ADGRB3: variants seen among roughly 807,000 people sequenced by gnomAD.
ADGRB3 encodes adhesion G protein-coupled receptor B3.
ADGRB3 carries 37 observed loss-of-function variants against 193.4 expected under a neutral mutation model. That is an observed-to-expected ratio of 0.19 (90% CI 0.15 to 0.25). The LOEUF is 0.25. ADGRB3 is among the 10% of genes least tolerant of loss of function. The probability of loss-of-function intolerance (pLI) is 1.00; values close to 1 mark genes in which losing one functional copy is unlikely to be tolerated. For synonymous variants in ADGRB3, 690 were observed against 644.2 expected, an observed-to-expected ratio of 1.07 and a Z score of -1.08; for missense variants, 1,637 against 1,852.9, an observed-to-expected ratio of 0.88 and a Z score of 2.14.
chr6:68,876,471 G>C (rs1452029538), intron 3 of ADGRB3, among the ~76,000 whole-genome samples: 1 of 152,180 alleles, frequency 6.6e-6, no homozygotes, highest in Non-Finnish European at 1.5e-5. Context: ...CCTGGGACTT[G>C]AAATTATTAC....
chr6:68,789,000 TTGCTTGG>T (rs1767040660), intron 3 of ADGRB3, among the ~76,000 whole-genome samples: 1 of 152,146 alleles, frequency 6.6e-6, no homozygotes, highest in Admixed American at 6.5e-5. Flanking sequence ...TGTTTTCCAT[TTGCTTGG>T]TAGATCTTCC....
intron 3 of ADGRB3, among the ~76,000 whole-genome samples, chr6:68,799,051 C>T (rs1258473278): frequency 6.6e-6 from 1 of 151,798 alleles, no homozygotes; most frequent in Non-Finnish European, 1.5e-5. Flanking sequence ...TTTGAACAGA[C>T]TTATATAATA....
chr6:68,928,382 T>C (rs1767242844), intron 3 of ADGRB3, among the ~76,000 whole-genome samples: 2 of 151,900 alleles, frequency 1.3e-5, no homozygotes, highest in Admixed American at 1.3e-4. Context: ...AAAACTAAAA[T>C]TAGCTAGGCA....
At chr6:68,717,297 C>A (rs991403457) in intron 3 of ADGRB3, among the ~76,000 whole-genome samples, 1 of 151,504 alleles carries the variant, frequency 6.6e-6, no homozygotes, top group African/African-American at 2.4e-5. Flanking sequence ...ATAATAATTC[C>A]AAATTTAGAG....
chr6:68,826,950 C>T (rs11755800), intron 3 of ADGRB3, among the ~76,000 whole-genome samples: 3,768 of 152,142 alleles, frequency 0.025, 61 homozygotes, highest in Non-Finnish European at 0.037. Context: ...TATTAAACAT[C>T]CTAGTGTAGG....
At chr6:69,359,698 T>A (rs903103596) in intron 28 of ADGRB3, among the ~76,000 whole-genome samples, 2 of 151,912 alleles carry the variant, frequency 1.3e-5, no homozygotes, top group Non-Finnish European at 2.9e-5. Flanking sequence ...TATCTGAAAC[T>A]TTTTATGAGG....
At chr6:68,952,635 A>G (rs1767959382) in intron 6 of ADGRB3, among the ~76,000 whole-genome samples, 1 of 150,990 alleles carries the variant, frequency 6.6e-6, no homozygotes, top group South Asian at 2.1e-4. Flanking sequence ...GTACTCTAGA[A>G]CTTAAAGTAT....
intron 3 of ADGRB3, among the ~76,000 whole-genome samples, chr6:68,708,521 C>A (rs534026408): frequency 6.6e-6 from 1 of 152,200 alleles, no homozygotes; most frequent in South Asian, 2.1e-4. Flanking sequence ...TCCTAAAGGG[C>A]CCAGTTCAAA....
intron 3 of ADGRB3, among the ~76,000 whole-genome samples, chr6:68,738,659 A>G (rs1765919529): frequency 6.6e-6 from 1 of 152,182 alleles, no homozygotes; most frequent in Non-Finnish European, 1.5e-5. Context: ...AACTGACGTT[A>G]AGGTTTTTGG....
At chr6:68,938,034 T>C (rs549856957) in intron 5 of ADGRB3, among the ~76,000 whole-genome samples, 132 of 151,926 alleles carry the variant, frequency 8.7e-4, no homozygotes, top group Non-Finnish European at 1.5e-3. Context: ...TAGAATAGAA[T>C]TGGGAGGTTA....
chr6:68,834,144 G>T (rs1176912154), intron 3 of ADGRB3, among the ~76,000 whole-genome samples: 1 of 151,848 alleles, frequency 6.6e-6, no homozygotes, highest in Non-Finnish European at 1.5e-5. Flanking sequence ...TAGTCTAAAT[G>T]GTAAACTCTT....
chr6:68,713,027 A>C (rs907523334), intron 3 of ADGRB3, among the ~76,000 whole-genome samples: 1 of 151,946 alleles, frequency 6.6e-6, no homozygotes, highest in African/African-American at 2.4e-5. Context: ...ATACAGCAGA[A>C]TATTTAATGC....
chr6:69,121,992 GCTCCTCACTTCCCAGACAGGGTGGCA>G (rs1298777756), intron 17 of ADGRB3, among the ~76,000 whole-genome samples: 85 of 150,566 alleles, frequency 5.6e-4, no homozygotes, highest in African/African-American at 8.5e-4. Context: ...AGGCAGAGAT[GCTCCTCACTTCCCAGACAGGGTGGCA>G]GCCAGGCAGA....
chr6:69,365,775 A>G (rs1370386706), intron 29 of ADGRB3, among the ~76,000 whole-genome samples: 1 of 152,092 alleles, frequency 6.6e-6, no homozygotes, highest in African/African-American at 2.4e-5. Flanking sequence ...TTCTCTGGAC[A>G]TGAATTATAG....
intron 20 of ADGRB3, among the ~76,000 whole-genome samples, chr6:69,306,339 T>C (rs1472220880): frequency 6.6e-6 from 1 of 151,556 alleles, no homozygotes; most frequent in Non-Finnish European, 1.5e-5. Flanking sequence ...TTTTCTCTTG[T>C]TTTGCCTTTA....
At chr6:69,233,440 G>A in intron 18 of ADGRB3, 24 bp downstream of exon 18, 2 of 1,613,418 alleles carry the variant, frequency 1.2e-6, no homozygotes, top group Non-Finnish European at 1.7e-6. Context: ...GGAAAACACG[G>A]CTTTAACGCA....
intron 3 of ADGRB3, among the ~76,000 whole-genome samples, chr6:68,853,840 A>G (rs531164449): frequency 6.6e-6 from 1 of 152,310 alleles, no homozygotes; most frequent in South Asian, 2.1e-4. Context: ...TTAAACATGA[A>G]TAAGGGTAAC....
At chr6:68,925,991 C>A (rs1165168043) in intron 3 of ADGRB3, among the ~76,000 whole-genome samples, 1 of 151,932 alleles carries the variant, frequency 6.6e-6, no homozygotes, top group Admixed American at 6.6e-5. Flanking sequence ...TGGATAATAA[C>A]CTTATTGACA....
At chr6:69,141,971 G>A (rs1288423170) in intron 17 of ADGRB3, among the ~76,000 whole-genome samples, 1 of 152,130 alleles carries the variant, frequency 6.6e-6, no homozygotes, top group Non-Finnish European at 1.5e-5. Context: ...ACATGGCTCA[G>A]GATGGATTAT....
Sources: gnomAD v4.1 joint callset for allele counts (sites outside exome capture counted in the v4.1 genomes callset) on GRCh38, gnomAD v4.1.1 for gene constraint, MANE v1.5 for transcripts, NCBI Gene and HGNC (gene_info 2026-07-23, HGNC 2026-07-21) for gene names.